DAB2: variants seen among roughly 807,000 people sequenced by gnomAD.
DAB2 encodes the protein disabled homolog 2.
A neutral mutation model predicts 71.6 loss-of-function variants in DAB2; 28 were observed. The observed-to-expected ratio is 0.39, with a 90% CI of 0.29 to 0.54. The LOEUF is 0.54. Among genes scored for constraint, DAB2 ranks in the 20% least tolerant of loss-of-function variants. The probability of loss-of-function intolerance (pLI) is 0.68; values close to 1 mark genes in which losing one functional copy is unlikely to be tolerated. For missense variants in DAB2, 867 were observed against 928.8 expected, an observed-to-expected ratio of 0.93 and a Z score of 0.86; for synonymous variants, 345 against 339.7, an observed-to-expected ratio of 1.02 and a Z score of -0.17.
chr5:39,381,502 G>C lies in DAB2; in HGVS notation c.1456C>G (p.Leu486Val). ...GGGGCAGGAGCACTTGTTTTGAAGA[G>C]ATCCAGAGGGTTGGGCTGCAGGGCT... ...PTALQPNPLDLFKTSAPAPVG... is the reference protein window; with the variant it reads ...PTALQPNPLDVFKTSAPAPVG... The change falls in exon 11 of 15, where the codon CTC (leucine) becomes GTC (valine). Residue 486 changes from leucine to valine, a missense_variant. Leu to Val is a conservative substitution (Grantham distance 32, BLOSUM62 1). Coordinates refer to ENST00000320816, the MANE Select transcript of DAB2 (RefSeq NM_001343.4). 4.3e-6 allele frequency: 7 copies of C among 1,614,124 alleles called. No individual in the cohort carries two copies. The highest frequency in any genetic ancestry group is 5.9e-6 in the Non-Finnish European group (7 of 1,179,986).
At chr5:39,405,740 G>A (rs980060235) in intron 1 of DAB2, among the ~76,000 whole-genome samples, 6 of 152,184 alleles carry the variant, frequency 3.9e-5, no homozygotes, top group Non-Finnish European at 8.8e-5. Context: ...CTTTCCTTAT[G>A]TGCTGTTCTC....
chr5:39,414,950 G>A lies in DAB2; in HGVS notation c.-102+9854C>T, dbSNP rs989523081. On this transcript the variant is annotated intron_variant, in intron 1 of 14. Transcript: ENST00000320816. ...TAGACATGGTCTCTACTCTAAAGGG[G>A]CTTAGAGGTTAGGTAGGGGAGAAAG... Among the ~76,000 whole-genome samples, 3 of 152,028 alleles carry A rather than the reference G, an allele frequency of 2.0e-5. No homozygotes were observed. In the South Asian group the frequency reaches 6.2e-4, roughly 31 times the overall value.
chr5:39,420,512 C>A (rs1186750244), intron 1 of DAB2, among the ~76,000 whole-genome samples: 1 of 152,160 alleles, frequency 6.6e-6, no homozygotes, highest in Non-Finnish European at 1.5e-5. Context: ...CTCACTCAGC[C>A]TGCCCCATTC....
intron 11 of DAB2, among the ~76,000 whole-genome samples, chr5:39,379,312 G>A (rs1021749776): frequency 6.6e-6 from 1 of 151,966 alleles, no homozygotes; most frequent in African/African-American, 2.4e-5. Flanking sequence ...AATTAGCTGG[G>A]TGTGGTGGCG....
chr5:39,375,126 T>A, intron 13 of DAB2, 42 bp from the exon 14 acceptor site: 1 of 1,468,738 alleles, frequency 6.8e-7, no homozygotes, highest in Non-Finnish European at 9.4e-7. Context: ...ACAGTTACAG[T>A]CATAAGAAAA....
At chr5:39,396,545 A>ATG (rs1347600745) in intron 1 of DAB2, among the ~76,000 whole-genome samples, 1 of 152,186 alleles carries the variant, frequency 6.6e-6, no homozygotes, top group Non-Finnish European at 1.5e-5. Context: ...CTTGCTTGTT[A>ATG]TGTGTATACA....
chr5:39,396,816 T>C (rs1000765777), intron 1 of DAB2, among the ~76,000 whole-genome samples: 1 of 152,190 alleles, frequency 6.6e-6, no homozygotes, highest in Non-Finnish European at 1.5e-5. Context: ...TGCACCTTTT[T>C]AGATGGAAAC....
intron 1 of DAB2, among the ~76,000 whole-genome samples, chr5:39,401,977 C>T (rs1755513370): frequency 1.3e-5 from 2 of 152,062 alleles, no homozygotes; most frequent in Non-Finnish European, 2.9e-5. Context: ...AACGGACTCA[C>T]AGTTCCACGT....
chr5:39,410,800 C>T (rs1042042532), intron 1 of DAB2, among the ~76,000 whole-genome samples: 1 of 25,348 alleles, frequency 3.9e-5, no homozygotes, highest in African/African-American at 1.7e-4. Context: ...TATTGTCTAA[C>T]CTGCTTAAAA....
chr5:39,418,020 C>T (rs1465739483), intron 1 of DAB2: 1 of 152,142 alleles, frequency 6.6e-6, no homozygotes, highest in African/African-American at 2.4e-5. Flanking sequence ...GTTTTTTCTA[C>T]TTCAAAAATG....
At position 39,377,127 on chromosome 5, in the gene DAB2, C is replaced by T; in HGVS notation, c.1660G>A (p.Gly554Ser). 1 of 1,614,142 alleles carries T rather than the reference C, an allele frequency of 6.2e-7. No homozygotes were observed. Among genetic ancestry groups the T allele is most frequent in the Non-Finnish European group, 8.5e-7 (1 of 1,180,018 alleles). Reference sequence around the variant, plus strand: ...GCAAAGGGTGAAGGCTGGTTCCAACCTGAAACAGCTGGACTTGTACCAAAA... The same window carrying T: ...GCAAAGGGTGAAGGCTGGTTCCAACTTGAAACAGCTGGACTTGTACCAAAA... ...VIFGTSPAVSGWNQPSPFAAS... is the reference protein window; with the variant it reads ...VIFGTSPAVSSWNQPSPFAAS... The change falls in exon 12 of 15, where the codon GGT becomes AGT. Residue 554 changes from glycine to serine, a missense_variant. Gly to Ser is a moderately conservative substitution (Grantham distance 56, BLOSUM62 0). Transcript: ENST00000320816.
At chr5:39,393,192 A>G in intron 3 of DAB2, 62 bp downstream of exon 3, 1 of 1,534,084 alleles carries the variant, frequency 6.5e-7, no homozygotes, top group Non-Finnish European at 9.0e-7. Context: ...AGAGCTTCTA[A>G]TATAATTCCC....
Position 39,392,379 on chromosome 5 carries a change from C to T in DAB2, c.316G>A (p.Asp106Asn), listed in dbSNP as rs768342804. Residue 106 changes from aspartate to asparagine, a missense_variant, in exon 4 of 15, where the codon GAT (aspartate) becomes AAT (asparagine). This residue lies in a region of DAB2 where 127 missense variants were observed against 194.4 expected (regional missense o/e 0.65). Transcript: ENST00000320816. ...TGAATTCTTACCCCAGTTTTCTCAT[C>T]AATTATTTTTATCCCAGAAAGGGAA... is the stretch of plus-strand genomic sequence containing the variant. ...NISLSGIKII[D>N]EKTGVIEHEH... 24 of 1,613,458 alleles carry T rather than the reference C, an allele frequency of 1.5e-5. No individual in the cohort carries two copies. The Admixed American group carries it at 3.8e-4, about 26-fold the overall frequency.
intron 1 of DAB2, among the ~76,000 whole-genome samples, chr5:39,398,095 T>C (rs1173238906): frequency 6.6e-6 from 1 of 152,212 alleles, no homozygotes; most frequent in African/African-American, 2.4e-5. Context: ...GATATCATAC[T>C]TCACTGCAAG....
intron 1 of DAB2, among the ~76,000 whole-genome samples, chr5:39,414,905 C>T (rs1030483026): frequency 1.3e-5 from 2 of 152,000 alleles, no homozygotes; most frequent in Admixed American, 6.6e-5. Context: ...CTGCATTATC[C>T]TATGTATAGA....
At chr5:39,404,314 C>T (rs1357911419) in intron 1 of DAB2, among the ~76,000 whole-genome samples, 7 of 149,694 alleles carry the variant, frequency 4.7e-5, no homozygotes, top group South Asian at 4.3e-4. Flanking sequence ...TTGATGGGTG[C>T]GGCACACCAA....
rs115106450 is a variant in DAB2 at position 39,396,395 on chromosome 5, C to T, written c.-101-1974G>A. On this transcript the variant is annotated intron_variant, in intron 1 of 14. Transcript: ENST00000320816. ...ACACATGTCCATTGCATGGTTTACA[C>T]ACAAGTCTATTTGCTTGTCTGCCCA... Among the ~76,000 whole-genome samples, 724 of 152,288 alleles carry T rather than the reference C, an allele frequency of 4.8e-3. 7 individuals are homozygous for T. Among genetic ancestry groups the T allele is most frequent in the African/African-American group, 0.017 (698 of 41,558 alleles).
At chr5:39,389,001 T>C in intron 7 of DAB2, 96 bp downstream of exon 7, 3 of 1,342,168 alleles carry the variant, frequency 2.2e-6, no homozygotes, top group South Asian at 1.2e-5. Flanking sequence ...AAACACATAG[T>C]AATAAGCGAG....
chr5:39,389,110 CT>C lies in DAB2; in HGVS notation c.556del (p.Ser186AlafsTer11). 6.2e-7 allele frequency: 1 copy of C among 1,612,530 alleles called. No homozygotes were observed. The stretch of plus-strand genomic sequence containing the variant: ...ATGCAATTTTACCTCAACTGCTTTG[CT>C]GGCTTCCTCTATCTAAAAAGAAAGA... Reference protein sequence around the residue: ...EEEKKKIEEASKAVENGSEAL... With the variant: ...EEEKKKIEEAXKAVENGSEAL... On this transcript the variant is annotated frameshift_variant, in exon 7 of 15. Coordinates refer to ENST00000320816, the MANE Select transcript of DAB2 (RefSeq NM_001343.4). LOFTEE classifies it high-confidence loss of function.
Sources: allele counts gnomAD v4.1 joint callset (sites outside exome capture counted in the v4.1 genomes callset), GRCh38; gene constraint gnomAD v4.1.1; regional missense constraint gnomAD v4.1.1; transcripts MANE v1.5; gene names NCBI Gene and HGNC (gene_info 2026-07-23, HGNC 2026-07-21).